TRMO: variants seen among roughly 807,000 people sequenced by gnomAD.
TRMO encodes tRNA methyltransferase O.
A neutral mutation model predicts 37.2 loss-of-function variants in TRMO; 30 were observed. That is an observed-to-expected ratio of 0.81 (90% CI 0.60 to 1.09). The LOEUF (loss-of-function observed/expected upper bound fraction) is 1.09. Among genes scored for constraint, TRMO ranks in the 50% least tolerant of loss-of-function variants. The probability of loss-of-function intolerance (pLI) is 0.00; values close to 1 mark genes in which losing one functional copy is unlikely to be tolerated. For missense variants in TRMO, 552 were observed against 549.5 expected (o/e 1.00, Z -0.05); for synonymous variants, 239 against 199.4 (o/e 1.20, Z -1.67).
At chr9:97,902,292 T>C (rs1831187079), downstream of TRMO, among the ~76,000 whole-genome samples, 1 of 152,198 alleles carries the variant, frequency 6.6e-6, no homozygotes. Flanking sequence ...TTTAACATCC[T>C]TTTTATTATT....
At chr9:97,910,701 G>C in intron 3 of TRMO, 85 bp from the exon 4 acceptor site, 1 of 1,452,976 alleles carries the variant, frequency 6.9e-7, no homozygotes, top group Non-Finnish European at 9.3e-7. Context: ...AACACTGTCT[G>C]CTTACGCCTC....
chr9:97,897,912 A>G, the TRMO span, among the ~76,000 whole-genome samples: 2 of 152,104 alleles, frequency 1.3e-5, no homozygotes, highest in African/African-American at 4.8e-5. Flanking sequence ...ACTGGAGGAC[A>G]GTGGCATGAT....
chr9:97,902,043 G>A (rs1056324149), downstream of TRMO, among the ~76,000 whole-genome samples: 1 of 152,340 alleles, frequency 6.6e-6, no homozygotes, highest in African/African-American at 2.4e-5. Context: ...ACCAAGGGGT[G>A]GTATGACAGG....
At chr9:97,902,594 G>A (rs1825701866), downstream of TRMO, among the ~76,000 whole-genome samples, 1 of 152,128 alleles carries the variant, frequency 6.6e-6, no homozygotes, top group African/African-American at 2.4e-5. Context: ...GAGCCACTGC[G>A]CCCAGCCTAA....
Position 97,910,046 on chromosome 9 carries a change from G to A in TRMO, c.980C>T (p.Ala327Val), listed in dbSNP as rs1826037443. The A allele has an allele frequency of 2.5e-6, 4 of 1,612,056 alleles. No homozygotes were observed. In the East Asian group the frequency reaches 8.9e-5, roughly 36 times the overall value. Residue 327 changes from alanine to valine, a missense_variant, in exon 4 of 5, where the codon GCC becomes GTC. Physicochemically the swap from Ala to Val is moderately conservative, Grantham distance 64. Transcript: ENST00000375119. ...GGCCACAGGAGCCTCTGTCACCCAG[G>A]CAGGAACCACGCTGCGGGGAGCTCC... Reference protein sequence around the residue: ...ADGAPRSVVPAWVTEAPVATL... With the variant: ...ADGAPRSVVPVWVTEAPVATL...
chr9:97,918,784 T>C (rs1176879353), intron 1 of TRMO, among the ~76,000 whole-genome samples: 1 of 152,178 alleles, frequency 6.6e-6, no homozygotes, highest in Non-Finnish European at 1.5e-5. Flanking sequence ...TCCCAAAAAC[T>C]AGAGCGTTAC....
chr9:97,896,992 C>T, the TRMO span, among the ~76,000 whole-genome samples: 1 of 152,168 alleles, frequency 6.6e-6, no homozygotes, highest in Non-Finnish European at 1.5e-5. Flanking sequence ...CCAGAGAACC[C>T]ACCCCAAGGT....
chr9:97,899,456 T>A, the TRMO span, among the ~76,000 whole-genome samples: 2 of 81,172 alleles, frequency 2.5e-5, no homozygotes, highest in African/African-American at 5.3e-5. Context: ...TTATTTATTT[T>A]GAGACAGAAT....
At chr9:97,913,008 T>C (rs1389762938) in intron 3 of TRMO, 1 of 1,003,220 alleles carries the variant, frequency 1.0e-6, no homozygotes, top group Admixed American at 2.3e-5. Flanking sequence ...CACCAGTCTA[T>C]GTGTTTTCCA....
chr9:97,910,932 T>G, intron 3 of TRMO: 2 of 535,168 alleles, frequency 3.7e-6, no homozygotes, highest in South Asian at 3.1e-5. Context: ...GCTAGAGCGC[T>G]TTCCCCACGG....
chr9:97,903,436 A>AAG (rs1349387993), downstream of TRMO, among the ~76,000 whole-genome samples: 31 of 152,348 alleles, frequency 2.0e-4, no homozygotes, highest in African/African-American at 7.5e-4. Flanking sequence ...AAAACTATTC[A>AAG]AGACTATTTC....
At chr9:97,921,114 T>C (rs1404192683) in intron 1 of TRMO, among the ~76,000 whole-genome samples, 1 of 152,234 alleles carries the variant, frequency 6.6e-6, no homozygotes, top group African/African-American at 2.4e-5. Context: ...GGCCAGGTAA[T>C]AGCACTTCCA....
chr9:97,898,611 CT>C, the TRMO span, among the ~76,000 whole-genome samples: 3 of 152,064 alleles, frequency 2.0e-5, 1 homozygote, highest in African/African-American at 7.2e-5. Context: ...TGTTCCCAAA[CT>C]CCTGGCCTCA....
chr9:97,899,485 CTGG>C, the TRMO span, among the ~76,000 whole-genome samples: 1 of 152,066 alleles, frequency 6.6e-6, no homozygotes, highest in Non-Finnish European at 1.5e-5. Flanking sequence ...GTCACCCAGG[CTGG>C]AGTGCAGTGG....
In TRMO at chr9:97,910,541, T is replaced by A. The variant is rs1221456138; in HGVS notation, c.485A>T (p.Glu162Val). ...PVLDIKPYIA[E>V]YDSPQNVMEP... Reference sequence around the variant, plus strand: ...CATCACATTTTGCGGTGAGTCATACTCAGCTATGTAGGGCTTGATGTCTAG... The same window carrying A: ...CATCACATTTTGCGGTGAGTCATACACAGCTATGTAGGGCTTGATGTCTAG... Residue 162 changes from glutamate to valine, a missense_variant, in exon 4 of 5, where the codon GAG becomes GTG. Transcript: ENST00000375119. The A allele has an allele frequency of 6.2e-7, 1 of 1,614,212 alleles. No individual in the cohort carries two copies. The highest frequency in any genetic ancestry group is 8.5e-7 in the Non-Finnish European group (1 of 1,180,028).
chr9:97,915,972 C>A (rs1356523006), intron 2 of TRMO, among the ~76,000 whole-genome samples, 192 bp downstream of exon 2: 2 of 152,102 alleles, frequency 1.3e-5, no homozygotes, highest in Admixed American at 1.3e-4. Flanking sequence ...GCTCGGGAGG[C>A]AGAGGTTACA....
chr9:97,913,896 A>G lies in TRMO; in HGVS notation c.252-338T>C, dbSNP rs988194280. 1.5e-5 allele frequency: 3 copies of G among 205,950 alleles called. No individual in the cohort carries two copies. In the Admixed American group the frequency reaches 1.6e-4, roughly 11 times the overall value. 12.8% of individuals were successfully genotyped at this position (205,950 alleles called of 1,614,324 possible). On this transcript the variant is annotated intron_variant, in intron 2 of 4. Coordinates refer to ENST00000375119, the MANE Select transcript of TRMO (RefSeq NM_016481.5). Reference sequence around the variant, plus strand: ...TAAAACATTTTTACACTCATTTCATACAATCGCCTTAACTGTCTTAAGTAA... The same window carrying G: ...TAAAACATTTTTACACTCATTTCATGCAATCGCCTTAACTGTCTTAAGTAA...
chr9:97,910,706 C>T (rs934983219), intron 3 of TRMO, 90 bp from the exon 4 acceptor site: 9 of 1,403,824 alleles, frequency 6.4e-6, no homozygotes, highest in African/African-American at 1.4e-5. Context: ...TGTCTGCTTA[C>T]GCCTCACTGC....
chr9:97,910,961 A>G, intron 3 of TRMO: 1 of 500,452 alleles, frequency 2.0e-6, no homozygotes, highest in African/African-American at 1.9e-5. Context: ...TGACCTGCTT[A>G]GAGTCTTCAT....
Sources: gnomAD v4.1 joint callset for allele counts (sites outside exome capture counted in the v4.1 genomes callset) on GRCh38, gnomAD v4.1.1 for gene constraint, MANE v1.5 for transcripts, NCBI Gene and HGNC (gene_info 2026-07-23, HGNC 2026-07-21) for gene names.